Variants in MACROD2 observed in about 807,000 individuals in gnomAD.
MACROD2 encodes the protein ADP-ribose glycohydrolase MACROD2.
A neutral mutation model predicts 70.4 loss-of-function variants in MACROD2; 36 were observed. That is an observed-to-expected ratio of 0.51 (90% CI 0.39 to 0.68). The LOEUF (loss-of-function observed/expected upper bound fraction) is 0.68. MACROD2 is among the 30% of genes least tolerant of loss of function. The pLI, the probability that MACROD2 is intolerant of heterozygous loss-of-function variation, is 0.00. For missense variants in MACROD2, 496 were observed against 538.4 expected, an observed-to-expected ratio of 0.92 and a Z score of 0.78; for synonymous variants, 172 against 178.8, an observed-to-expected ratio of 0.96 and a Z score of 0.30.
At chr20:14,946,006 G>A (rs1374925430) in intron 5 of MACROD2, among the ~76,000 whole-genome samples, 2 of 152,048 alleles carry the variant, frequency 1.3e-5, no homozygotes, top group East Asian at 1.9e-4. Context: ...TCAAGAGTTC[G>A]ACACCAGCCT....
chr20:14,974,144 C>T (rs1031770460), intron 5 of MACROD2, among the ~76,000 whole-genome samples: 4 of 152,226 alleles, frequency 2.6e-5, no homozygotes, highest in Non-Finnish European at 4.4e-5. Context: ...GTAAGGAATA[C>T]GTGGAAGTAG....
At chr20:14,987,023 A>G (rs570638870) in intron 5 of MACROD2, among the ~76,000 whole-genome samples, 2 of 152,322 alleles carry the variant, frequency 1.3e-5, no homozygotes, top group African/African-American at 2.4e-5. Context: ...CCTTAACCTC[A>G]GGCAGTTAAA....
intron 8 of MACROD2, among the ~76,000 whole-genome samples, chr20:15,607,557 G>A (rs143485291): frequency 1.1e-4 from 16 of 152,206 alleles, no homozygotes; most frequent in African/African-American, 2.4e-4. Context: ...TTTTTGAGAC[G>A]AAGTCTCCTT....
chr20:14,378,333 C>T (rs2083392245), intron 3 of MACROD2, among the ~76,000 whole-genome samples: 1 of 152,192 alleles, frequency 6.6e-6, no homozygotes, highest in Non-Finnish European at 1.5e-5. Flanking sequence ...TCCAGGCCCT[C>T]TGGGAGTTGC....
At chr20:15,293,166 TC>T (rs1462205071) in intron 6 of MACROD2, among the ~76,000 whole-genome samples, 1 of 152,222 alleles carries the variant, frequency 6.6e-6, no homozygotes, top group African/African-American at 2.4e-5. Context: ...AAGTCGATAA[TC>T]CCTGCCACAT....
chr20:15,818,596 C>T (rs925514208), intron 8 of MACROD2, among the ~76,000 whole-genome samples: 1 of 152,164 alleles, frequency 6.6e-6, no homozygotes, highest in Admixed American at 6.5e-5. Flanking sequence ...ATCTTTATGA[C>T]CCCTATCTTG....
intron 4 of MACROD2, among the ~76,000 whole-genome samples, chr20:14,596,167 G>C (rs983752149): frequency 4.0e-5 from 6 of 151,528 alleles, no homozygotes; most frequent in Non-Finnish European, 8.8e-5. Flanking sequence ...CTCACTGCAA[G>C]CTCCGCCTCC....
At chr20:14,588,594 C>T (rs187509376) in intron 4 of MACROD2, among the ~76,000 whole-genome samples, 3 of 152,128 alleles carry the variant, frequency 2.0e-5, no homozygotes, top group Non-Finnish European at 4.4e-5. Context: ...CTGCAACTTC[C>T]GCCTCCTGGG....
rs769702281 is a variant in MACROD2, at chr20:15,053,146, A to T, written c.419-176794A>T. Reference sequence around the variant, plus strand: ...AAAGAAGCCATCTCTGTAACATAAAAGCGCAGGTAAAGCCGCAAGTGCTGA... The same window carrying T: ...AAAGAAGCCATCTCTGTAACATAAATGCGCAGGTAAAGCCGCAAGTGCTGA... On this transcript the variant is annotated intron_variant, in intron 5 of 17. Transcript: ENST00000684519. Among the ~76,000 whole-genome samples the T allele has an allele frequency of 4.6e-5, 7 of 152,242 alleles. No homozygotes were observed. The South Asian group carries it at 6.2e-4, about 14-fold the overall frequency.
At chr20:15,932,237 G>C (rs1166070929) in intron 10 of MACROD2, among the ~76,000 whole-genome samples, 1 of 152,068 alleles carries the variant, frequency 6.6e-6, no homozygotes, top group African/African-American at 2.4e-5. Flanking sequence ...CCCTCCATTT[G>C]GCAGGCCAGC....
chr20:15,276,561 T>A (rs1032509293), intron 6 of MACROD2, among the ~76,000 whole-genome samples: 4 of 152,184 alleles, frequency 2.6e-5, no homozygotes, highest in African/African-American at 9.6e-5. Flanking sequence ...ATCAGGAGGC[T>A]ACACAAAAAC....
At chr20:14,392,950 C>T (rs1401293543) in intron 3 of MACROD2, among the ~76,000 whole-genome samples, 1 of 152,118 alleles carries the variant, frequency 6.6e-6, no homozygotes, top group Non-Finnish European at 1.5e-5. Flanking sequence ...TCCAGACTGT[C>T]TGTGGTACCC....
At chr20:14,784,886 C>T (rs1014910126) in intron 5 of MACROD2, among the ~76,000 whole-genome samples, 9 of 151,782 alleles carry the variant, frequency 5.9e-5, no homozygotes, top group African/African-American at 1.9e-4. Flanking sequence ...CGGGAAATTG[C>T]GAGAGCTGGT....
chr20:15,630,763 A>G (rs1331123589), intron 8 of MACROD2, among the ~76,000 whole-genome samples: 6 of 152,188 alleles, frequency 3.9e-5, no homozygotes, highest in African/African-American at 4.8e-5. Context: ...TTTGTGAATT[A>G]CCCTCGCTAA....
At chr20:15,390,730 G>T (rs1479945839) in intron 6 of MACROD2, among the ~76,000 whole-genome samples, 1 of 152,048 alleles carries the variant, frequency 6.6e-6, no homozygotes, top group African/African-American at 2.4e-5. Context: ...ACTCATTTAT[G>T]AATTTCAAAA....
chr20:15,805,040 C>T (rs564539613), intron 8 of MACROD2, among the ~76,000 whole-genome samples: 1 of 152,280 alleles, frequency 6.6e-6, no homozygotes, highest in Non-Finnish European at 1.5e-5. Flanking sequence ...CTTATTGACT[C>T]CCTTCTCTAT....
intron 5 of MACROD2, among the ~76,000 whole-genome samples, chr20:14,928,351 C>T (rs765057491): frequency 3.3e-5 from 5 of 152,098 alleles, no homozygotes; most frequent in Non-Finnish European, 7.4e-5. Flanking sequence ...CTAACTTGTA[C>T]AGAGTTTTGA....
chr20:14,028,447 C>T (rs1409909073), intron 2 of MACROD2, among the ~76,000 whole-genome samples: 2 of 152,044 alleles, frequency 1.3e-5, no homozygotes, highest in Non-Finnish European at 2.9e-5. Context: ...GTCTTGCTGG[C>T]GTTCCAGGCG....
chr20:15,623,710 A>ATCTG (rs71783217), intron 8 of MACROD2, among the ~76,000 whole-genome samples: 1 of 149,570 alleles, frequency 6.7e-6, no homozygotes, highest in Non-Finnish European at 1.5e-5. Flanking sequence ...CTATCTATCT[A>ATCTG]TCTATCTATC....
Sources: gnomAD v4.1 joint callset for allele counts (sites outside exome capture counted in the v4.1 genomes callset) on GRCh38, gnomAD v4.1.1 for gene constraint, MANE v1.5 for transcripts, NCBI Gene and HGNC (gene_info 2026-07-23, HGNC 2026-07-21) for gene names.